AKAP6: variants seen among roughly 807,000 people sequenced by gnomAD.
AKAP6 encodes A-kinase anchor protein 6.
A neutral mutation model predicts 188.5 loss-of-function variants in AKAP6; 58 were observed. That is an observed-to-expected ratio of 0.31 (90% CI 0.25 to 0.38). The LOEUF is 0.38. AKAP6 is among the 10% of genes least tolerant of loss of function. The pLI is 1.00. For missense variants in AKAP6, 2,710 were observed against 2,740.0 expected, an observed-to-expected ratio of 0.99 and a Z score of 0.24; for synonymous variants, 989 against 998.6, an observed-to-expected ratio of 0.99 and a Z score of 0.18.
chr14:32,764,307 T>C (rs2032635477), intron 11 of AKAP6, among the ~76,000 whole-genome samples: 1 of 152,218 alleles, frequency 6.6e-6, no homozygotes, highest in African/African-American at 2.4e-5. Flanking sequence ...CCATCCCTGT[T>C]ATTATAACCA....
chr14:32,706,122 G>A (rs1256249281), intron 9 of AKAP6, among the ~76,000 whole-genome samples: 3 of 152,126 alleles, frequency 2.0e-5, no homozygotes, highest in African/African-American at 7.2e-5. Context: ...CCCAATCTGG[G>A]TGGCTCCAAT....
intron 12 of AKAP6, among the ~76,000 whole-genome samples, chr14:32,804,849 G>C (rs2034047946): frequency 6.6e-6 from 1 of 152,010 alleles, no homozygotes; most frequent in Non-Finnish European, 1.5e-5. Context: ...TCCTTGCTAG[G>C]AAAAGAATTT....
At chr14:32,722,019 T>C (rs1950221) in intron 9 of AKAP6, among the ~76,000 whole-genome samples, 27,814 of 152,168 alleles carry the variant, frequency 0.18, 2,806 homozygotes, top group Non-Finnish European at 0.24. Context: ...CTTCAGCATT[T>C]GACCCCCAGT....
intron 12 of AKAP6, among the ~76,000 whole-genome samples, chr14:32,794,728 T>C (rs1269237836): frequency 6.6e-6 from 1 of 152,034 alleles, no homozygotes; most frequent in Non-Finnish European, 1.5e-5. Flanking sequence ...GCATCTCAAC[T>C]AGAAACTAGA....
chr14:32,715,770 A>AT (rs67983441), intron 9 of AKAP6, among the ~76,000 whole-genome samples: 23 of 151,472 alleles, frequency 1.5e-4, no homozygotes, highest in African/African-American at 5.3e-4. Flanking sequence ...AAAAGGAAAG[A>AT]TTTTTTTTTA....
At chr14:32,490,645 C>T (rs562116919) in intron 2 of AKAP6, among the ~76,000 whole-genome samples, 18 of 152,240 alleles carry the variant, frequency 1.2e-4, no homozygotes, top group African/African-American at 4.1e-4. Context: ...TTTGTCCCTG[C>T]AGCACTGAAA....
At chr14:32,693,699 T>C (rs1890274719) in intron 8 of AKAP6, 2 of 152,170 alleles carry the variant, frequency 1.3e-5, no homozygotes, top group African/African-American at 4.8e-5. Context: ...ATTCTCCAAA[T>C]CCTCTGACGT....
At chr14:32,379,160 A>T (rs1406802327) in intron 1 of AKAP6, among the ~76,000 whole-genome samples, 1 of 152,048 alleles carries the variant, frequency 6.6e-6, no homozygotes, top group African/African-American at 2.4e-5. Context: ...ACCTCAGGTG[A>T]TCCGCCCCCT....
intron 2 of AKAP6, among the ~76,000 whole-genome samples, chr14:32,501,821 A>G (rs1880622977): frequency 6.6e-6 from 1 of 152,116 alleles, no homozygotes; most frequent in South Asian, 2.1e-4. Flanking sequence ...CTGTGCATGT[A>G]GATGCAGCTC....
At chr14:32,686,078 A>C (rs1193780274) in intron 8 of AKAP6, among the ~76,000 whole-genome samples, 1 of 152,206 alleles carries the variant, frequency 6.6e-6, no homozygotes, top group Non-Finnish European at 1.5e-5. Flanking sequence ...AAAATATAGC[A>C]CTTATACATG....
intron 1 of AKAP6, among the ~76,000 whole-genome samples, chr14:32,390,814 G>C (rs1474319716): frequency 6.6e-6 from 1 of 152,120 alleles, no homozygotes; most frequent in African/African-American, 2.4e-5. Context: ...CAGGTTTCCT[G>C]ATTTATTCCT....
intron 4 of AKAP6, among the ~76,000 whole-genome samples, chr14:32,560,375 G>A (rs1264104341): frequency 5.3e-5 from 8 of 152,098 alleles, no homozygotes; most frequent in African/African-American, 1.9e-4. Flanking sequence ...TTTAACATTA[G>A]GAATGTTTCA....
At chr14:32,739,864 A>T (rs2031597802) in intron 11 of AKAP6, among the ~76,000 whole-genome samples, 1 of 152,058 alleles carries the variant, frequency 6.6e-6, no homozygotes, top group East Asian at 1.9e-4. Context: ...CAATATACTG[A>T]TTTCCTTTCT....
rs78467090 is a variant in AKAP6, at chr14:32,831,627, A to G, written c.*1822A>G. On this transcript the variant is annotated 3_prime_UTR_variant, in exon 14 of 14. Transcript: ENST00000280979. ...CCCTGCCCTCAGAAGGCTGTCCTGC[A>G]TTAGGAACAAGTGAACACGCAAATG... 1 of 152,370 alleles carries G rather than the reference A, an allele frequency of 6.6e-6. No individual in the cohort carries two copies. The highest frequency in any genetic ancestry group is 2.4e-5 in the African/African-American group (1 of 41,592). The allele number at this position is 152,370 out of a possible 1,614,324, so 9.4% of individuals were successfully genotyped here. A position where few individuals can be genotyped will look rare whatever the true frequency, so the allele number is the denominator to read the frequency against.
intron 1 of AKAP6, among the ~76,000 whole-genome samples, chr14:32,422,131 C>T (rs1889870275): frequency 3.3e-5 from 5 of 152,132 alleles, no homozygotes; most frequent in Non-Finnish European, 4.4e-5. Flanking sequence ...TTTTAAAAAT[C>T]AAGATTAATC....
Position 32,384,916 on chromosome 14 carries a change from G to A in AKAP6, c.-34-48544G>A, listed in dbSNP as rs1020030853. Among the ~76,000 whole-genome samples the A allele has an allele frequency of 2.0e-5, 3 of 152,070 alleles. No individual in the cohort carries two copies. The East Asian group carries it at 5.8e-4, about 29-fold the overall frequency. The stretch of plus-strand genomic sequence containing the variant: ...GATGATGCCTATAATGAAAGCTCCA[G>A]TTGCAAAAATTGATTCAACTTATGG... On this transcript the variant is annotated intron_variant, in intron 1 of 13. Transcript: ENST00000280979.
At chr14:32,708,096 A>G (rs17439404) in intron 9 of AKAP6, among the ~76,000 whole-genome samples, 5 of 152,086 alleles carry the variant, frequency 3.3e-5, no homozygotes, top group Non-Finnish European at 7.4e-5. Flanking sequence ...ATGATTATTT[A>G]TACATGTGAA....
intron 2 of AKAP6, among the ~76,000 whole-genome samples, chr14:32,478,704 C>T (rs1312355207): frequency 6.6e-6 from 1 of 152,126 alleles, no homozygotes. Flanking sequence ...ACATAAACTA[C>T]ATTGTGATGA....
chr14:32,455,300 G>A (rs991485272), intron 2 of AKAP6, among the ~76,000 whole-genome samples: 1 of 152,020 alleles, frequency 6.6e-6, no homozygotes, highest in African/African-American at 2.4e-5. Context: ...ATGAAAATAT[G>A]CAGATAATAC....
Sources: allele counts gnomAD v4.1 joint callset (sites outside exome capture counted in the v4.1 genomes callset), GRCh38; gene constraint gnomAD v4.1.1; transcripts MANE v1.5; gene names NCBI Gene and HGNC (gene_info 2026-07-23, HGNC 2026-07-21).